Variants in SERBP1 observed in about 807,000 individuals in gnomAD.
SERBP1 encodes the protein SERPINE1 mRNA binding protein 1.
SERBP1 carries 6 observed loss-of-function variants against 50.2 expected under a neutral mutation model. The ratio of observed to expected loss-of-function variants is 0.12; its 90% CI spans 0.07 to 0.24. The LOEUF is 0.24. Among genes scored for constraint, SERBP1 ranks in the 10% least tolerant of loss-of-function variants. SERBP1 has a pLI of 1.00. For missense variants in SERBP1, 346 were observed against 524.9 expected, an observed-to-expected ratio of 0.66 and a Z score of 3.33; for synonymous variants, 168 against 182.8, an observed-to-expected ratio of 0.92 and a Z score of 0.65.
chr1:67,415,782 A>G (rs1395216856), intron 6 of SERBP1, among the ~76,000 whole-genome samples: 3 of 152,164 alleles, frequency 2.0e-5, no homozygotes, highest in African/African-American at 7.2e-5. Context: ...TAAAAAGAAC[A>G]CTCAGAAAGA....
intron 1 of SERBP1, among the ~76,000 whole-genome samples, chr1:67,426,837 T>C (rs1211189977): frequency 6.6e-6 from 1 of 152,120 alleles, no homozygotes; most frequent in Non-Finnish European, 1.5e-5. Context: ...TTAAGACTCA[T>C]AATTCTATAA....
rs1208948206 is a variant in SERBP1, at chr1:67,410,829, T to C, written c.*2378A>G. The C allele has an allele frequency of 6.6e-6, 1 of 152,174 alleles. No homozygotes were observed. The highest frequency in any genetic ancestry group is 2.4e-5 in the African/African-American group (1 of 41,456). The allele number at this position is 152,174 out of a possible 1,614,324, so 9.4% of individuals were successfully genotyped here. A position where few individuals can be genotyped will look rare whatever the true frequency, so the allele number is the denominator to read the frequency against. On this transcript the variant is annotated 3_prime_UTR_variant, in exon 8 of 8. Coordinates refer to ENST00000361219, the MANE Select transcript of SERBP1 (RefSeq NM_001018069.2). ...ATTAAATCCAAGAAGTCCTTGGATT[T>C]TGTATTTTACAAGAATTCAACTTTC... is the stretch of plus-strand genomic sequence containing the variant.
chr1:67,425,210 G>T lies in SERBP1; in HGVS notation c.478C>A (p.Arg160=), dbSNP rs1365488785. The change falls in exon 3 of 8, where the codon CGA becomes AGA. Residue 160 remains arginine, a synonymous_variant. Coordinates refer to ENST00000361219, the MANE Select transcript of SERBP1 (RefSeq NM_001018069.2). ...EFSVDRPIID[R]PIRGRGGLGR... is the part of the protein sequence containing the mutation. The stretch of plus-strand genomic sequence containing the variant: ...AGACCACCACGACCTCGAATAGGTC[G>T]GTCAATAATCGGTCTATAATATAAA... The T allele has an allele frequency of 7.5e-6, 12 of 1,605,378 alleles. No homozygotes were observed. Among genetic ancestry groups the T allele is most frequent in the Admixed American group, 1.7e-5 (1 of 57,820 alleles).
At chr1:67,414,512 A>G (rs1320250928) in intron 7 of SERBP1, among the ~76,000 whole-genome samples, 1 of 152,234 alleles carries the variant, frequency 6.6e-6, no homozygotes, top group Non-Finnish European at 1.5e-5. Context: ...TTAGGAGGAC[A>G]TTATGGTTGT....
At chr1:67,415,612 T>G (rs1666979228) in intron 6 of SERBP1, among the ~76,000 whole-genome samples, 1 of 152,222 alleles carries the variant, frequency 6.6e-6, no homozygotes, top group South Asian at 2.1e-4. Context: ...CCCAAACGGC[T>G]GAAGCCCATC....
rs1666826400 is a variant in SERBP1, at chr1:67,411,190, T to C, written c.*2017A>G. 1 of 152,164 alleles carries C rather than the reference T, an allele frequency of 6.6e-6. No individual in the cohort carries two copies. Among genetic ancestry groups the C allele is most frequent in the South Asian group, 2.1e-4 (1 of 4,830 alleles). The allele number at this position is 152,164 out of a possible 1,614,324, so 9.4% of individuals were successfully genotyped here. A position where few individuals can be genotyped will look rare whatever the true frequency, so the allele number is the denominator to read the frequency against. On this transcript the variant is annotated 3_prime_UTR_variant, in exon 8 of 8. Coordinates refer to ENST00000361219, the MANE Select transcript of SERBP1 (RefSeq NM_001018069.2). The stretch of plus-strand genomic sequence containing the variant: ...CAGATACAACTAATGCACCAACTTT[T>C]TAAGTTCAGGCTATCTTGAAAGCTT...
In SERBP1 at chr1:67,430,088, G is replaced by A. The variant is rs1237483079; in HGVS notation, c.213C>T (p.Arg71=). ...TNSNAAGKQL[R]KESQKDRKNP... ...TCTTGCGGTCTTTCTGGGACTCCTT[G>A]CGCAGCTGTTTGCCTGCCGCGTTGG... The change falls in exon 1 of 8, where the codon CGC becomes CGT. Residue 71 remains arginine, a synonymous_variant. Coordinates refer to ENST00000361219, the MANE Select transcript of SERBP1 (RefSeq NM_001018069.2). 6 of 1,613,098 alleles carry A rather than the reference G, an allele frequency of 3.7e-6. No homozygotes were observed. Among genetic ancestry groups the A allele is most frequent in the African/African-American group, 1.3e-5 (1 of 74,892 alleles).
rs775986811 is a variant in SERBP1, at chr1:67,429,992, T to C, written c.309A>G (p.Lys103=). The part of the protein sequence containing the change: ...EETQPPVALK[K]EGIRRVGRRP... ...CACATTCTGCCCCTGCTTTACCTTC[T>C]TTCTTAAGCGCCACGGGCGGCTGCG... is the stretch of plus-strand genomic sequence containing the variant. Residue 103 remains lysine, a synonymous_variant, in exon 1 of 8, where the codon AAA becomes AAG. Coordinates refer to ENST00000361219, the MANE Select transcript of SERBP1 (RefSeq NM_001018069.2). The C allele has an allele frequency of 3.7e-6, 6 of 1,606,392 alleles. No individual in the cohort carries two copies. Among genetic ancestry groups the C allele is most frequent in the South Asian group, 3.3e-5 (3 of 90,080 alleles).
intron 5 of SERBP1, among the ~76,000 whole-genome samples, chr1:67,421,423 TTG>T (rs1409514281): frequency 2.6e-5 from 4 of 152,208 alleles, no homozygotes; most frequent in African/African-American, 9.6e-5. Context: ...TCAGCCAATG[TTG>T]TGTTTCTTAA....
chr1:67,411,809 A>T lies in SERBP1; in HGVS notation c.*1398T>A, dbSNP rs1190496042. The T allele has an allele frequency of 6.6e-6, 1 of 152,214 alleles. No individual in the cohort carries two copies. Among genetic ancestry groups the T allele is most frequent in the Non-Finnish European group, 1.5e-5 (1 of 68,028 alleles). The allele number at this position is 152,214 out of a possible 1,614,324, so 9.4% of individuals were successfully genotyped here. A position where few individuals can be genotyped will look rare whatever the true frequency, so the allele number is the denominator to read the frequency against. On this transcript the variant is annotated 3_prime_UTR_variant, in exon 8 of 8. Transcript: ENST00000361219. ...CAAACAATTCTTAAAAATTTTTTAA[A>T]AATTCCTTCACTGTTTATCAATAAA...
At chr1:67,418,149 A>G (rs1015899012) in intron 6 of SERBP1, among the ~76,000 whole-genome samples, 3 of 151,138 alleles carry the variant, frequency 2.0e-5, no homozygotes, top group African/African-American at 7.3e-5. Context: ...CTAATTTTGT[A>G]TCTTTAGTAG....
intron 7 of SERBP1, 73 bp downstream of exon 7, chr1:67,415,093 A>G (rs972705907): frequency 4.6e-5 from 67 of 1,448,424 alleles, no homozygotes; most frequent in Non-Finnish European, 3.1e-5. Context: ...CAAAAGTGAC[A>G]TAAGTCTGAC....
rs1164604319 is a variant in SERBP1 at position 67,412,108 on chromosome 1, C to T, written c.*1099G>A. ...CTTACAAAGTAAAGCTGTCTGCTTC[C>T]CAAATTCCAAAAATTAAAATACTCC... is the stretch of plus-strand genomic sequence containing the variant. On this transcript the variant is annotated 3_prime_UTR_variant, in exon 8 of 8. Coordinates refer to ENST00000361219, the MANE Select transcript of SERBP1 (RefSeq NM_001018069.2). The T allele has an allele frequency of 6.6e-6, 1 of 152,608 alleles. No homozygotes were observed. The highest frequency in any genetic ancestry group is 6.5e-5 in the Admixed American group (1 of 15,282). The allele number at this position is 152,608 out of a possible 1,614,324, so 9.5% of individuals were successfully genotyped here. A position where few individuals can be genotyped will look rare whatever the true frequency, so the allele number is the denominator to read the frequency against.
intron 6 of SERBP1, among the ~76,000 whole-genome samples, chr1:67,417,038 GGCT>G (rs879360270): frequency 7.2e-5 from 11 of 152,150 alleles, no homozygotes; most frequent in Non-Finnish European, 1.6e-4. Flanking sequence ...TAGGCAGAAG[GGCT>G]GCTTGAGTCC....
chr1:67,407,841 G>A lies in SERBP1; in HGVS notation c.*5366C>T, dbSNP rs976568730. On this transcript the variant is annotated 3_prime_UTR_variant, in exon 8 of 8. Coordinates refer to ENST00000361219, the MANE Select transcript of SERBP1 (RefSeq NM_001018069.2). ...AAATAAAACAAAAATTTACTTGGAC[G>A]TTATTCATTGGCTAATAGAACATTT... 3.3e-5 allele frequency: 5 copies of A among 152,188 alleles called. No individual in the cohort carries two copies. Among genetic ancestry groups the A allele is most frequent in the African/African-American group, 1.2e-4 (5 of 41,448 alleles). 9.4% of individuals were successfully genotyped at this position (152,188 alleles called of 1,614,324 possible). A position where few individuals can be genotyped will look rare whatever the true frequency, so the allele number is the denominator to read the frequency against.
chr1:67,416,680 TG>T (rs1194367193), intron 6 of SERBP1, among the ~76,000 whole-genome samples: 1 of 152,188 alleles, frequency 6.6e-6, no homozygotes, highest in African/African-American at 2.4e-5. Flanking sequence ...AATAAATTTT[TG>T]TGTTTTTATC....
At chr1:67,425,585 T>A (rs905726966) in intron 2 of SERBP1, among the ~76,000 whole-genome samples, 1 of 152,202 alleles carries the variant, frequency 6.6e-6, no homozygotes, top group African/African-American at 2.4e-5. Flanking sequence ...CCAACAGTAT[T>A]TTCCTTCAAC....
intron 6 of SERBP1, 94 bp downstream of exon 6, chr1:67,419,915 G>T: frequency 9.0e-7 from 1 of 1,108,202 alleles, no homozygotes; most frequent in Non-Finnish European, 1.3e-6. Context: ...AGCTTTAACA[G>T]ACAAATAACC....
At position 67,411,578 on chromosome 1, in the gene SERBP1, T is replaced by C. The variant is rs1666846586; in HGVS notation, c.*1629A>G. On this transcript the variant is annotated 3_prime_UTR_variant, in exon 8 of 8. Coordinates refer to ENST00000361219, the MANE Select transcript of SERBP1 (RefSeq NM_001018069.2). ...AAGTTTATCCATCATTAAAAACAAT[T>C]ACCTCCTTCCTAAAATGTCAGAATA... is the stretch of plus-strand genomic sequence containing the variant. 1 of 152,170 alleles carries C rather than the reference T, an allele frequency of 6.6e-6. No individual in the cohort carries two copies. The highest frequency in any genetic ancestry group is 1.5e-5 in the Non-Finnish European group (1 of 68,018). 9.4% of individuals were successfully genotyped at this position (152,170 alleles called of 1,614,324 possible). A position where few individuals can be genotyped will look rare whatever the true frequency, so the allele number is the denominator to read the frequency against.
Sources: allele counts gnomAD v4.1 joint callset (sites outside exome capture counted in the v4.1 genomes callset), GRCh38; gene constraint gnomAD v4.1.1; transcripts MANE v1.5; gene names NCBI Gene and HGNC (gene_info 2026-07-23, HGNC 2026-07-21).